TMEM156: variants seen among roughly 807,000 people sequenced by gnomAD.
TMEM156 encodes the protein transmembrane protein 156.
Under a neutral mutation model 30.5 loss-of-function variants are expected in TMEM156, and 28 were observed. The observed-to-expected ratio is 0.92, with a 90% CI of 0.68 to 1.26. The LOEUF is 1.26. Among genes scored for constraint, TMEM156 ranks in the 50% most tolerant of loss-of-function variants. The pLI is 0.00. For synonymous variants in TMEM156, 137 were observed against 119.9 expected, an observed-to-expected ratio of 1.14 and a Z score of -0.93; for missense variants, 351 against 340.6, an observed-to-expected ratio of 1.03 and a Z score of -0.24.
intron 1 of TMEM156, among the ~76,000 whole-genome samples, chr4:39,018,877 T>C (rs1040849261): frequency 1.3e-5 from 2 of 151,900 alleles, no homozygotes; most frequent in Admixed American, 1.3e-4. Flanking sequence ...AAAAATTAGC[T>C]GGGTGTGGTG....
intron 1 of TMEM156, among the ~76,000 whole-genome samples, chr4:39,025,331 G>A (rs868683725): frequency 2.7e-5 from 3 of 111,234 alleles, no homozygotes; most frequent in East Asian, 2.9e-4. Context: ...CTGGGTGACA[G>A]AGCAAGACTG....
chr4:38,999,015 C>T lies in TMEM156; in HGVS notation c.89-106G>A, dbSNP rs181581194. On this transcript the variant is annotated intron_variant, in intron 1 of 6. Transcript: ENST00000381938. ...CAGTTTTTCTTAGGTGGATTCAGTA[C>T]ATTTCAGCTTATCAGAGACAAGACT... 6.2e-3 allele frequency: 5,418 copies of T among 873,988 alleles called. 34 individuals carry two copies. Among genetic ancestry groups the T allele is most frequent in the Non-Finnish European group, 6.7e-3 (3,973 of 596,262 alleles). 54.1% of individuals were successfully genotyped at this position (873,988 alleles called of 1,614,324 possible).
chr4:39,009,509 G>T (rs1252172849), intron 1 of TMEM156, among the ~76,000 whole-genome samples: 2 of 152,038 alleles, frequency 1.3e-5, no homozygotes, highest in Non-Finnish European at 2.9e-5. Flanking sequence ...CAAAATATTA[G>T]CAAACCAAAT....
At chr4:38,985,937 C>G (rs1711950067) in intron 5 of TMEM156, among the ~76,000 whole-genome samples, 1 of 152,214 alleles carries the variant, frequency 6.6e-6, no homozygotes, top group South Asian at 2.1e-4. Context: ...TAGAAGTTCT[C>G]TTTACACAAT....
intron 1 of TMEM156, among the ~76,000 whole-genome samples, chr4:39,028,126 G>T (rs746442148): frequency 3.9e-5 from 6 of 152,074 alleles, no homozygotes; most frequent in Non-Finnish European, 8.8e-5. Context: ...GACCTCAGGT[G>T]ATCCACCCGC....
At chr4:39,013,987 A>T (rs1042139054) in intron 1 of TMEM156, among the ~76,000 whole-genome samples, 13 of 152,172 alleles carry the variant, frequency 8.5e-5, no homozygotes, top group African/African-American at 3.1e-4. Flanking sequence ...CAACTACACA[A>T]TTCTCACCTT....
chr4:39,012,013 C>A (rs1426672792), intron 1 of TMEM156, among the ~76,000 whole-genome samples: 1 of 152,076 alleles, frequency 6.6e-6, no homozygotes, highest in Non-Finnish European at 1.5e-5. Flanking sequence ...TGGGTATTCC[C>A]AAAGTGGGAA....
At chr4:39,004,288 A>G (rs1713578948) in intron 1 of TMEM156, among the ~76,000 whole-genome samples, 1 of 152,194 alleles carries the variant, frequency 6.6e-6, no homozygotes. Flanking sequence ...AATACATGGC[A>G]CTATAGGACA....
intron 5 of TMEM156, among the ~76,000 whole-genome samples, chr4:38,983,692 A>G (rs571941235): frequency 3.3e-5 from 5 of 152,156 alleles, no homozygotes; most frequent in Non-Finnish European, 7.3e-5. Context: ...GGGCCACCAC[A>G]CTCGGCCTAG....
intron 2 of TMEM156, among the ~76,000 whole-genome samples, chr4:38,995,023 TCTGAGGG>T (rs1324622561): frequency 6.6e-6 from 1 of 152,154 alleles, no homozygotes; most frequent in African/African-American, 2.4e-5. Context: ...GTTGATTTGT[TCTGAGGG>T]CTGAGCCCCT....
intron 1 of TMEM156, among the ~76,000 whole-genome samples, chr4:39,000,574 A>T (rs1713269668): frequency 6.6e-6 from 1 of 152,228 alleles, no homozygotes; most frequent in South Asian, 2.1e-4. Context: ...TGAAATTTGT[A>T]CAAATATATG....
Position 38,987,124 on chromosome 4 carries a change from T to C in TMEM156, c.740-705A>G, listed in dbSNP as rs541408335. Among the ~76,000 whole-genome samples, 4 of 152,332 alleles carry C rather than the reference T, an allele frequency of 2.6e-5. No individual in the cohort carries two copies. In the East Asian group the frequency reaches 5.8e-4, roughly 22 times the overall value. ...TTTCTAGCTCACTTCTATCTCTCTT[T>C]GCTTATAGCTTTTCATATGGGAAAA... On this transcript the variant is annotated intron_variant, in intron 4 of 6. Coordinates refer to ENST00000381938, the MANE Select transcript of TMEM156 (RefSeq NM_024943.3).
chr4:39,032,021 T>A (rs1715553419), intron 1 of TMEM156, among the ~76,000 whole-genome samples: 1 of 152,184 alleles, frequency 6.6e-6, no homozygotes, highest in Non-Finnish European at 1.5e-5. Context: ...TTTTTAGGTA[T>A]GCTATGATAA....
At chr4:39,004,627 T>C (rs1713602176) in intron 1 of TMEM156, among the ~76,000 whole-genome samples, 1 of 152,150 alleles carries the variant, frequency 6.6e-6, no homozygotes, top group Admixed American at 6.6e-5. Flanking sequence ...TTAGTCATGT[T>C]GATACATAGA....
At chr4:39,006,783 G>GATA (rs1472759394) in intron 1 of TMEM156, among the ~76,000 whole-genome samples, 41 of 151,626 alleles carry the variant, frequency 2.7e-4, no homozygotes, top group African/African-American at 9.4e-4. Context: ...TAATAATAAT[G>GATA]ATAATAATAA....
intron 1 of TMEM156, among the ~76,000 whole-genome samples, chr4:39,007,988 T>G (rs1033923377): frequency 1.6e-4 from 24 of 152,196 alleles, no homozygotes; most frequent in Admixed American, 1.4e-3. Flanking sequence ...TCTTATTTTT[T>G]GCCACTTTAT....
intron 2 of TMEM156, among the ~76,000 whole-genome samples, chr4:38,995,207 C>G (rs1232542218): frequency 6.6e-6 from 1 of 152,128 alleles, no homozygotes; most frequent in Non-Finnish European, 1.5e-5. Flanking sequence ...GATTAGGGCC[C>G]ATCCTAATGA....
chr4:39,011,477 G>A (rs1224817727), intron 1 of TMEM156, among the ~76,000 whole-genome samples: 3 of 152,150 alleles, frequency 2.0e-5, no homozygotes, highest in Non-Finnish European at 4.4e-5. Flanking sequence ...ATTCACAGTA[G>A]CAAAGACATG....
At chr4:39,020,254 T>G (rs1714772661) in intron 1 of TMEM156, among the ~76,000 whole-genome samples, 1 of 152,212 alleles carries the variant, frequency 6.6e-6, no homozygotes, top group South Asian at 2.1e-4. Context: ...TGAGTAATGC[T>G]GCAATGGATA....
Sources: gnomAD v4.1 joint callset for allele counts (sites outside exome capture counted in the v4.1 genomes callset) on GRCh38, gnomAD v4.1.1 for gene constraint, MANE v1.5 for transcripts, NCBI Gene and HGNC (gene_info 2026-07-23, HGNC 2026-07-21) for gene names.